MED13L: variants seen among roughly 807,000 people sequenced by gnomAD.
MED13L encodes mediator of RNA polymerase II transcription subunit 13-like.
A neutral mutation model predicts 220.9 loss-of-function variants in MED13L; 7 were observed. That is an observed-to-expected ratio of 0.03 (90% confidence interval 0.02 to 0.06). MED13L has a LOEUF of 0.06. MED13L is among the 10% of genes least tolerant of loss of function. The pLI is 1.00. For missense variants in MED13L, 1,965 were observed against 2,760.5 expected (o/e 0.71, Z 6.46); for synonymous variants, 1,011 against 1,015.2 (o/e 1.00, Z 0.08).
intron 4 of MED13L, among the ~76,000 whole-genome samples, chr12:116,064,356 C>A (rs1240947226): frequency 6.6e-6 from 1 of 152,104 alleles, no homozygotes; most frequent in African/African-American, 2.4e-5. Flanking sequence ...TCAGACTTAG[C>A]CAACCGAGTA....
intron 3 of MED13L, among the ~76,000 whole-genome samples, chr12:116,107,611 C>T (rs548971323): frequency 1.3e-5 from 2 of 152,324 alleles, no homozygotes; most frequent in East Asian, 3.9e-4. Context: ...TCCTGCTTAG[C>T]TGTGAGAGAT....
At chr12:116,066,868 C>G (rs535513543) in intron 4 of MED13L, among the ~76,000 whole-genome samples, 9 of 152,108 alleles carry the variant, frequency 5.9e-5, no homozygotes, top group African/African-American at 2.2e-4. Flanking sequence ...ACTTCATCTT[C>G]TACAGTTGGA....
rs114254528 is a variant in MED13L at position 116,177,070 on chromosome 12, A to C, written c.310+60398T>G. Among the ~76,000 whole-genome samples, 849 of 152,222 alleles carry C rather than the reference A, an allele frequency of 5.6e-3. 9 individuals are homozygous for C. Among genetic ancestry groups the C allele is most frequent in the African/African-American group, 0.019 (782 of 41,518 alleles). On this transcript the variant is annotated intron_variant, in intron 2 of 30. Coordinates refer to ENST00000281928, the MANE Select transcript of MED13L (RefSeq NM_015335.5). ...AGTATCCAAAAACACACATACAAAA[A>C]AGTACAGGTATGTTAAGGGTACAGT... is the stretch of plus-strand genomic sequence containing the variant.
rs144912479 is a variant in MED13L at position 115,958,921 on chromosome 12, C to T, written c.*2345G>A. ...TACATACAAGCATGCTGGACAATCC[C>T]ACCCTTTTCCCCTCCCCATTTCCCC... On this transcript the variant is annotated 3_prime_UTR_variant, in exon 31 of 31. Coordinates refer to ENST00000281928, the MANE Select transcript of MED13L (RefSeq NM_015335.5). 6.6e-6 allele frequency: 1 copy of T among 152,604 alleles called. No individual in the cohort carries two copies. Among genetic ancestry groups the T allele is most frequent in the East Asian group, 1.9e-4 (1 of 5,184 alleles). 9.5% of individuals were successfully genotyped at this position (152,604 alleles called of 1,614,324 possible).
At chr12:116,094,063 T>C (rs1172869410) in intron 4 of MED13L, among the ~76,000 whole-genome samples, 1 of 152,164 alleles carries the variant, frequency 6.6e-6, no homozygotes, top group East Asian at 1.9e-4. Flanking sequence ...AACCCAATTC[T>C]CTTCTAATGC....
Position 116,277,326 on chromosome 12 carries a change from G to C in MED13L, c.-195C>G. ...GCCGCGCCGGGGGCAGCGGGCCCGG[G>C]CTGGCGGGGGGGGCGCGCGCCCCGG... On this transcript the variant is annotated 5_prime_UTR_variant, in exon 1 of 31. Coordinates refer to ENST00000281928, the MANE Select transcript of MED13L (RefSeq NM_015335.5). 0.015 allele frequency: 3 copies of C among 194 alleles called. No individual in the cohort carries two copies. Among genetic ancestry groups the C allele is most frequent in the East Asian group, 0.1 (1 of 10 alleles). The allele number at this position is 194 out of a possible 1,614,324, so 0.0% of individuals were successfully genotyped here. A position where few individuals can be genotyped will look rare whatever the true frequency, so the allele number is the denominator to read the frequency against.
intron 2 of MED13L, among the ~76,000 whole-genome samples, chr12:116,145,191 C>A (rs1037412107): frequency 1.3e-5 from 2 of 152,188 alleles, no homozygotes; most frequent in African/African-American, 4.8e-5. Flanking sequence ...CCAATGTCAA[C>A]CAAACCAATA....
chr12:116,136,235 A>G (rs554385745), intron 2 of MED13L, among the ~76,000 whole-genome samples: 46 of 152,192 alleles, frequency 3.0e-4, no homozygotes, highest in African/African-American at 1.0e-3. Flanking sequence ...GTGTCTCTTG[A>G]TGTTTAATGA....
chr12:116,008,047 G>T, intron 10 of MED13L: 1 of 327,978 alleles, frequency 3.0e-6, no homozygotes, highest in Non-Finnish European at 5.5e-6. Context: ...CTGAATGCAG[G>T]CAAAGCCTTC....
intron 4 of MED13L, among the ~76,000 whole-genome samples, chr12:116,031,833 T>C (rs973004136): frequency 2.1e-5 from 3 of 142,408 alleles, no homozygotes; most frequent in African/African-American, 8.0e-5. Context: ...AGAAAGAAAG[T>C]GGTGATGCTA....
Position 116,120,596 on chromosome 12 carries a change from C to G in MED13L, c.311-9084G>C, listed in dbSNP as rs532768608. On this transcript the variant is annotated intron_variant, in intron 2 of 30. Coordinates refer to ENST00000281928, the MANE Select transcript of MED13L (RefSeq NM_015335.5). The stretch of plus-strand genomic sequence containing the variant: ...AGCCTACGTTTCTACAAATGAAATG[C>G]ATTCTCCCTTTCAAGGTAGACTGAG... Among the ~76,000 whole-genome samples, 100 of 150,678 alleles carry G rather than the reference C, an allele frequency of 6.6e-4. 1 individual carries two copies. The highest frequency in any genetic ancestry group is 2.3e-3 in the African/African-American group (96 of 41,084).
chr12:116,020,029 T>G (rs1420124106), intron 5 of MED13L, 57 bp from the exon 6 acceptor site: 9 of 1,454,352 alleles, frequency 6.2e-6, no homozygotes, highest in Non-Finnish European at 8.7e-6. Flanking sequence ...CCTACTTAAG[T>G]GCAACACTAC....
intron 4 of MED13L, among the ~76,000 whole-genome samples, chr12:116,044,114 G>A (rs1344485061): frequency 6.6e-6 from 1 of 152,140 alleles, no homozygotes; most frequent in Non-Finnish European, 1.5e-5. Flanking sequence ...AGAGAAGGAG[G>A]TCCTCTTTTT....
chr12:116,082,686 A>C (rs951707688), intron 4 of MED13L: 2 of 151,916 alleles, frequency 1.3e-5, no homozygotes, highest in Non-Finnish European at 2.9e-5. Context: ...TAAAATTATA[A>C]AAAGAAAAAA....
chr12:116,083,462 A>G (rs957688037), intron 4 of MED13L, among the ~76,000 whole-genome samples: 3 of 150,978 alleles, frequency 2.0e-5, no homozygotes, highest in African/African-American at 4.9e-5. Context: ...ATCCCTACTC[A>G]GGGTTTAGAA....
chr12:116,201,122 T>C (rs1404890406), intron 2 of MED13L, among the ~76,000 whole-genome samples: 4 of 152,180 alleles, frequency 2.6e-5, no homozygotes, highest in Non-Finnish European at 2.9e-5. Context: ...CATCCACTAG[T>C]ATAATTTTAA....
intron 4 of MED13L, among the ~76,000 whole-genome samples, chr12:116,031,743 AAGAAAAGAAAAGAAAAGAAGGAAG>A (rs1880820210): frequency 2.1e-4 from 11 of 53,528 alleles, no homozygotes; most frequent in African/African-American, 4.0e-4. Context: ...AAGAAAAGAA[AAGAAAAGAAAAGAAAAGAAGGAAG>A]GAAGGAAGGA....
intron 2 of MED13L, among the ~76,000 whole-genome samples, chr12:116,145,666 T>TTTAC (rs1877431476): frequency 9.1e-6 from 1 of 109,542 alleles, no homozygotes. Context: ...ACTCTATTTA[T>TTTAC]TTATTTATTT....
intron 2 of MED13L, among the ~76,000 whole-genome samples, chr12:116,133,621 C>T (rs777981834): frequency 8.0e-4 from 122 of 152,146 alleles, no homozygotes; most frequent in Middle Eastern, 3.2e-3. Context: ...TATTACATGC[C>T]TTTTCTTACA....
Sources: allele counts gnomAD v4.1 joint callset (sites outside exome capture counted in the v4.1 genomes callset), GRCh38; gene constraint gnomAD v4.1.1; transcripts MANE v1.5; gene names NCBI Gene and HGNC (gene_info 2026-07-23, HGNC 2026-07-21).